ITGAM: variants seen among roughly 807,000 people sequenced by gnomAD.
ITGAM encodes the protein integrin alpha-M.
In ITGAM, 79 loss-of-function variants were observed where a neutral mutation model predicts 137.5. The observed-to-expected ratio is 0.57, with a 90% CI of 0.48 to 0.69. The LOEUF (loss-of-function observed/expected upper bound fraction) is 0.69. Ranked by LOEUF, ITGAM falls within the 30% of genes least tolerant of loss-of-function variation. The pLI is 0.00. For synonymous variants in ITGAM, 583 were observed against 592.3 expected (o/e 0.98, Z 0.23); for missense variants, 1,343 against 1,483.5 (o/e 0.91, Z 1.56).
chr16:31,308,637 G>A (rs901021034), intron 14 of ITGAM, among the ~76,000 whole-genome samples: 4 of 152,160 alleles, frequency 2.6e-5, no homozygotes, highest in Non-Finnish European at 5.9e-5. Context: ...AGGGTTTTTT[G>A]TGTCTCTATT....
In ITGAM at chr16:31,331,551, C is replaced by G. The variant is rs1044614418; in HGVS notation, c.3388-85C>G. On this transcript the variant is annotated intron_variant, in intron 29 of 29. Coordinates refer to ENST00000544665, the MANE Select transcript of ITGAM (RefSeq NM_000632.4). ...CCTCCTGGGTCCCTTCTGTCTCTGC[C>G]GGCCCTCCCGCCCCCTCCCCCTGGT... 4 of 729,694 alleles carry G rather than the reference C, an allele frequency of 5.5e-6. No individual in the cohort carries two copies. The African/African-American group carries it at 7.1e-5, about 13-fold the overall frequency. 45.2% of individuals were successfully genotyped at this position (729,694 alleles called of 1,614,324 possible). A position where few individuals can be genotyped will look rare whatever the true frequency, so the allele number is the denominator to read the frequency against.
intron 2 of ITGAM, among the ~76,000 whole-genome samples, chr16:31,263,665 CT>C (rs74413197): frequency 0.071 from 8,989 of 125,752 alleles, 876 homozygotes; most frequent in African/African-American, 0.23. Context: ...ATTTTTCTTT[CT>C]TTTTTTTTTT....
chr16:31,293,647 T>C (rs573207959), intron 12 of ITGAM, among the ~76,000 whole-genome samples: 1 of 152,310 alleles, frequency 6.6e-6, no homozygotes, highest in East Asian at 1.9e-4. Flanking sequence ...AGCCCTGTAG[T>C]ATAGTTTGAA....
chr16:31,331,869 A>G lies in ITGAM; in HGVS notation c.*162A>G, dbSNP rs4990419. ...TGCAAGTGTGTATGTGCGTGTGTGC[A>G]AGTGTCTGTGTGCAAGTGTGTGCAC... On this transcript the variant is annotated 3_prime_UTR_variant, in exon 30 of 30. Coordinates refer to ENST00000544665, the MANE Select transcript of ITGAM (RefSeq NM_000632.4). The G allele has an allele frequency of 2.8e-4, 153 of 537,340 alleles. No individual in the cohort carries two copies. The highest frequency in any genetic ancestry group is 4.4e-4 in the Middle Eastern group (1 of 2,268). The allele number at this position is 537,340 out of a possible 1,614,324, so 33.3% of individuals were successfully genotyped here. A position where few individuals can be genotyped will look rare whatever the true frequency, so the allele number is the denominator to read the frequency against.
intron 14 of ITGAM, among the ~76,000 whole-genome samples, chr16:31,300,063 G>A (rs1164119435): frequency 6.6e-6 from 1 of 152,014 alleles, no homozygotes; most frequent in Non-Finnish European, 1.5e-5. Context: ...GTCTCCCTAT[G>A]TTGCCCAGGC....
At chr16:31,291,034 C>G (rs1359869657) in intron 12 of ITGAM, among the ~76,000 whole-genome samples, 1 of 152,038 alleles carries the variant, frequency 6.6e-6, no homozygotes, top group Non-Finnish European at 1.5e-5. Context: ...TAACTTTATG[C>G]TGAAAACTAC....
intron 14 of ITGAM, among the ~76,000 whole-genome samples, chr16:31,298,545 A>G (rs2080163019): frequency 6.6e-6 from 1 of 152,240 alleles, no homozygotes; most frequent in Admixed American, 6.5e-5. Context: ...GCAAGCTAGC[A>G]GTATTGGGAT....
chr16:31,330,577 C>CGGGACA lies in ITGAM; in HGVS notation c.3252_3257dup (p.Gln1085_Gly1086dup). 1.9e-6 allele frequency: 3 copies of CGGGACA among 1,612,224 alleles called. No individual in the cohort carries two copies. The highest frequency in any genetic ancestry group is 1.7e-4 in the Middle Eastern group (1 of 6,054). ...AACGATTCCGTGTTCACCCTGCTGC[C>CGGGACA]GGGACAGGGGGCGTTTGTGAGGTCC... On this transcript the variant is annotated inframe_insertion, in exon 28 of 30. Coordinates refer to ENST00000544665, the MANE Select transcript of ITGAM (RefSeq NM_000632.4).
intron 12 of ITGAM, among the ~76,000 whole-genome samples, chr16:31,287,503 G>A (rs1322888961): frequency 6.6e-6 from 1 of 152,168 alleles, no homozygotes. Flanking sequence ...CCATGAGCAT[G>A]GAATACTTTT....
Position 31,324,821 on chromosome 16 carries a change from G to T in ITGAM, c.2289+39G>T. 1 of 1,553,826 alleles carries T rather than the reference G, an allele frequency of 6.4e-7. No individual in the cohort carries two copies. Among genetic ancestry groups the T allele is most frequent in the South Asian group, 1.3e-5 (1 of 79,182 alleles). On this transcript the variant is annotated intron_variant, in intron 18 of 29. Transcript: ENST00000544665. This position sits in a 1 kb window ranked among gnomAD's most constrained non-coding sequence, Gnocchi z 4.5. The stretch of plus-strand genomic sequence containing the variant: ...TGGGGTCCTGCAGGGGTGTGGAAGA[G>T]ACCAGAGACCAAGGTGGTTGAAACT...
intron 12 of ITGAM, among the ~76,000 whole-genome samples, chr16:31,291,233 A>T (rs1434832964): frequency 6.6e-6 from 1 of 152,188 alleles, no homozygotes; most frequent in Non-Finnish European, 1.5e-5. Context: ...TTATCCATTC[A>T]TCTGTTGATG....
intron 5 of ITGAM, among the ~76,000 whole-genome samples, chr16:31,269,876 CT>C (rs1318854611): frequency 6.6e-6 from 1 of 152,204 alleles, no homozygotes; most frequent in African/African-American, 2.4e-5. Flanking sequence ...TCCCTCTAGT[CT>C]TCTGTTGAGC....
At chr16:31,330,287 C>T in intron 26 of ITGAM, 21 bp from the exon 27 acceptor site, 1 of 1,603,820 alleles carries the variant, frequency 6.2e-7, no homozygotes, top group Non-Finnish European at 8.5e-7. Context: ...TACCCGTCCC[C>T]TCCCCTCCTG....
chr16:31,266,104 C>A lies in ITGAM; in HGVS notation c.384C>A (p.Ser128=). The change falls in exon 5 of 30, where the codon TCC becomes TCA. Residue 128 remains serine, a synonymous_variant. Coordinates refer to ENST00000544665, the MANE Select transcript of ITGAM (RefSeq NM_000632.4). ...AAGGGCTCTGCTTCCTGTTTGGATC[C>A]AACCTACGGCAGCAGCCCCAGAAGT... The part of the protein sequence containing the change: ...YVKGLCFLFG[S]NLRQQPQKFP... The A allele has an allele frequency of 6.2e-7, 1 of 1,613,890 alleles. No homozygotes were observed. Among genetic ancestry groups the A allele is most frequent in the Non-Finnish European group, 8.5e-7 (1 of 1,179,866 alleles).
In ITGAM at chr16:31,324,514, G is replaced by A; in HGVS notation, c.2118G>A (p.Gly706=). 3 of 1,606,150 alleles carry A rather than the reference G, an allele frequency of 1.9e-6. No homozygotes were observed. The highest frequency in any genetic ancestry group is 2.6e-6 in the Non-Finnish European group (3 of 1,176,446). ...NSTRRQTQVL[G]LTQTCETLKL... is the part of the protein sequence containing the mutation. ...CACGCAGACAGACACAGGTCTTGGG[G>A]CTGACCCAGACTTGTGAGACCCTGA... is the stretch of plus-strand genomic sequence containing the variant. Residue 706 remains glycine (G), a synonymous_variant, in exon 17 of 30, where the codon GGG becomes GGA. Coordinates refer to ENST00000544665, the MANE Select transcript of ITGAM (RefSeq NM_000632.4). This position sits in a 1 kb window ranked among gnomAD's most constrained non-coding sequence, Gnocchi z 4.5.
At chr16:31,308,747 G>T (rs980010433) in intron 14 of ITGAM, among the ~76,000 whole-genome samples, 6 of 152,340 alleles carry the variant, frequency 3.9e-5, no homozygotes, top group Non-Finnish European at 7.3e-5. Context: ...CGATGTTAGG[G>T]TGTCAATTTT....
chr16:31,284,122 G>C (rs1015896128), intron 12 of ITGAM, among the ~76,000 whole-genome samples: 2 of 152,216 alleles, frequency 1.3e-5, no homozygotes, highest in Non-Finnish European at 2.9e-5. Flanking sequence ...GCCGTATGAG[G>C]TGTAAGTCGG....
intron 12 of ITGAM, among the ~76,000 whole-genome samples, chr16:31,297,204 C>G (rs2080143165): frequency 6.6e-6 from 1 of 152,038 alleles, no homozygotes; most frequent in South Asian, 2.1e-4. Flanking sequence ...GGATCTTGCT[C>G]TGTTGCCCAA....
At chr16:31,301,859 A>G (rs542502477) in intron 14 of ITGAM, among the ~76,000 whole-genome samples, 3 of 152,276 alleles carry the variant, frequency 2.0e-5, no homozygotes, top group East Asian at 3.9e-4. Flanking sequence ...TCAGAAAACT[A>G]TTGCTTTTCT....
Sources: allele counts gnomAD v4.1 joint callset (sites outside exome capture counted in the v4.1 genomes callset), GRCh38; gene constraint gnomAD v4.1.1; non-coding constraint Gnocchi (gnomAD v3.1); transcripts MANE v1.5; gene names NCBI Gene and HGNC (gene_info 2026-07-23, HGNC 2026-07-21).